GALNTL6: variants seen among roughly 807,000 people sequenced by gnomAD.
GALNTL6 encodes polypeptide N-acetylgalactosaminyltransferase like 6.
GALNTL6 carries 46 observed loss-of-function variants against 73.7 expected under a neutral mutation model. The observed-to-expected ratio is 0.62, with a 90% CI of 0.49 to 0.80. GALNTL6 has a LOEUF of 0.80. Among genes scored for constraint, GALNTL6 ranks in the 30% least tolerant of loss-of-function variants. The pLI is 0.00. For missense variants in GALNTL6, 604 were observed against 755.0 expected (o/e 0.80, Z 2.34); for synonymous variants, 259 against 263.7 (o/e 0.98, Z 0.17).
intron 5 of GALNTL6, among the ~76,000 whole-genome samples, chr4:172,377,092 G>T (rs1743059201): frequency 6.6e-6 from 1 of 152,122 alleles, no homozygotes; most frequent in African/African-American, 2.4e-5. Context: ...GCTGGCTCGG[G>T]CAGCCTGCGT....
At chr4:173,008,760 T>C (rs1752409293) in intron 10 of GALNTL6, among the ~76,000 whole-genome samples, 1 of 152,234 alleles carries the variant, frequency 6.6e-6, no homozygotes, top group African/African-American at 2.4e-5. Flanking sequence ...GTCTTTAAAC[T>C]GGCTGCAGTC....
At position 172,230,873 on chromosome 4, in the gene GALNTL6, C is replaced by T. The variant is rs140226308; in HGVS notation, c.247+1109C>T. ...TATAACTTAGCCAGGGTGTGAGGTC[C>T]TCTTGTTCAACTAGAGTTAGTAACA... On this transcript the variant is annotated intron_variant, in intron 3 of 12. Transcript: ENST00000506823. Among the ~76,000 whole-genome samples, 33 of 152,294 alleles carry T rather than the reference C, an allele frequency of 2.2e-4. No individual in the cohort carries two copies. The East Asian group carries it at 6.2e-3, about 29-fold the overall frequency.
intron 8 of GALNTL6, among the ~76,000 whole-genome samples, chr4:172,889,106 T>G (rs1483336568): frequency 1.3e-5 from 2 of 152,174 alleles, no homozygotes; most frequent in Non-Finnish European, 2.9e-5. Flanking sequence ...TGTACATTGA[T>G]TTTGTATACT....
chr4:172,203,138 C>T (rs1435739233), intron 2 of GALNTL6, among the ~76,000 whole-genome samples: 1 of 151,998 alleles, frequency 6.6e-6, no homozygotes, highest in Non-Finnish European at 1.5e-5. Flanking sequence ...CTAAACAGCA[C>T]TGTAAGGGTA....
chr4:172,111,024 T>C (rs1732836530), intron 2 of GALNTL6, among the ~76,000 whole-genome samples: 1 of 152,002 alleles, frequency 6.6e-6, no homozygotes, highest in African/African-American at 2.4e-5. Context: ...ATACTAAGCT[T>C]TCCTCTTGGT....
chr4:171,899,731 C>G (rs575371934), intron 2 of GALNTL6, among the ~76,000 whole-genome samples: 1 of 152,134 alleles, frequency 6.6e-6, no homozygotes, highest in African/African-American at 2.4e-5. Flanking sequence ...ATATTTGGAC[C>G]TCTTTATATT....
intron 5 of GALNTL6, among the ~76,000 whole-genome samples, chr4:172,483,645 G>T (rs1252088053): frequency 6.6e-6 from 1 of 152,120 alleles, no homozygotes; most frequent in African/African-American, 2.4e-5. Context: ...GACTGTGAGT[G>T]TTTAATTATT....
rs533544528 is a variant in GALNTL6 at position 173,040,575 on chromosome 4, G to A, written c.*475G>A. On this transcript the variant is annotated 3_prime_UTR_variant, in exon 13 of 13. Coordinates refer to ENST00000506823, the MANE Select transcript of GALNTL6 (RefSeq NM_001034845.3). ...GGTGCCATTCTCTGACTAAGAATGG[G>A]TTCAGCAGGTTTAACCCTTAAAAGT... The A allele has an allele frequency of 6.5e-6, 1 of 154,106 alleles. No homozygotes were observed. The highest frequency in any genetic ancestry group is 1.9e-4 in the East Asian group (1 of 5,202). The allele number at this position is 154,106 out of a possible 1,614,324, so 9.5% of individuals were successfully genotyped here.
At chr4:172,072,220 T>G (rs1170492563) in intron 2 of GALNTL6, among the ~76,000 whole-genome samples, 1 of 152,000 alleles carries the variant, frequency 6.6e-6, no homozygotes, top group Non-Finnish European at 1.5e-5. Context: ...GTTTGTATAT[T>G]GTTTCTCACT....
chr4:172,347,969 T>G (rs1464959829), intron 4 of GALNTL6, among the ~76,000 whole-genome samples: 2 of 152,176 alleles, frequency 1.3e-5, no homozygotes, highest in East Asian at 1.9e-4. Context: ...TAATTTAATC[T>G]TATTATGTGG....
chr4:172,316,976 C>T (rs1740582248), intron 4 of GALNTL6, among the ~76,000 whole-genome samples: 1 of 152,116 alleles, frequency 6.6e-6, no homozygotes, highest in South Asian at 2.1e-4. Flanking sequence ...TAACCCAAAC[C>T]CACGAATCTC....
chr4:173,029,262 G>T (rs1473266388), intron 12 of GALNTL6, among the ~76,000 whole-genome samples: 1 of 152,146 alleles, frequency 6.6e-6, no homozygotes, highest in African/African-American at 2.4e-5. Context: ...AGTCCTAATT[G>T]CCAGAAAGCT....
intron 3 of GALNTL6, among the ~76,000 whole-genome samples, chr4:172,259,317 T>TA (rs1181835669): frequency 6.6e-6 from 1 of 151,560 alleles, no homozygotes; most frequent in African/African-American, 2.4e-5. Context: ...AGTAAAGTGT[T>TA]ATGTCATTGT....
At chr4:172,005,733 C>T (rs563492113) in intron 2 of GALNTL6, among the ~76,000 whole-genome samples, 9 of 152,080 alleles carry the variant, frequency 5.9e-5, no homozygotes, top group African/African-American at 1.9e-4. Flanking sequence ...TTTACTTTTC[C>T]AGGAATTTTA....
chr4:172,720,405 T>A (rs896269895), intron 5 of GALNTL6, among the ~76,000 whole-genome samples: 2 of 152,190 alleles, frequency 1.3e-5, no homozygotes, highest in African/African-American at 4.8e-5. Context: ...GCCAGGCTCC[T>A]CACTGCTGCA....
At chr4:172,998,830 GT>G (rs1751911005) in intron 10 of GALNTL6, among the ~76,000 whole-genome samples, 1 of 152,030 alleles carries the variant, frequency 6.6e-6, no homozygotes, top group Non-Finnish European at 1.5e-5. Flanking sequence ...ATTCCCTGGA[GT>G]TCCCCCCTCA....
intron 10 of GALNTL6, among the ~76,000 whole-genome samples, chr4:172,978,456 T>C (rs1334784694): frequency 6.6e-6 from 1 of 152,158 alleles, no homozygotes; most frequent in Non-Finnish European, 1.5e-5. Flanking sequence ...CTCCTAATTG[T>C]GCACAATGAC....
intron 5 of GALNTL6, among the ~76,000 whole-genome samples, chr4:172,565,956 T>G (rs1435302839): frequency 1.3e-5 from 2 of 152,132 alleles, no homozygotes; most frequent in African/African-American, 4.8e-5. Flanking sequence ...CATTATATAT[T>G]AATAATTATA....
At chr4:172,071,317 T>G (rs1731526735) in intron 2 of GALNTL6, among the ~76,000 whole-genome samples, 1 of 109,998 alleles carries the variant, frequency 9.1e-6, no homozygotes, top group South Asian at 2.7e-4. Context: ...TCATCAACAT[T>G]GGATACCAGC....
Sources: gnomAD v4.1 joint callset for allele counts (sites outside exome capture counted in the v4.1 genomes callset) on GRCh38, gnomAD v4.1.1 for gene constraint, MANE v1.5 for transcripts, NCBI Gene and HGNC (gene_info 2026-07-23, HGNC 2026-07-21) for gene names.